ACOT7: variants seen among roughly 807,000 people sequenced by gnomAD.
The protein encoded by ACOT7 is cytosolic acyl coenzyme A thioester hydrolase.
A neutral mutation model predicts 40.2 loss-of-function variants in ACOT7; 12 were observed. The observed-to-expected ratio is 0.30, with a 90% CI of 0.19 to 0.48. The LOEUF is 0.48. ACOT7 is among the 20% of genes least tolerant of loss of function. The pLI is 0.99. For missense variants in ACOT7, 395 were observed against 530.8 expected, an observed-to-expected ratio of 0.74 and a Z score of 2.51; for synonymous variants, 228 against 219.5, an observed-to-expected ratio of 1.04 and a Z score of -0.34.
At chr1:6,349,078 A>G (rs1236572470) in intron 2 of ACOT7, among the ~76,000 whole-genome samples, 1 of 152,124 alleles carries the variant, frequency 6.6e-6, no homozygotes, top group Non-Finnish European at 1.5e-5. Context: ...GCTTCCCCCC[A>G]ACAGCCGCCC....
chr1:6,323,538 C>T (rs898163554), intron 5 of ACOT7, among the ~76,000 whole-genome samples: 2 of 151,502 alleles, frequency 1.3e-5, no homozygotes, highest in African/African-American at 2.4e-5. Flanking sequence ...GCCAACATGG[C>T]GAAACCCTGT....
chr1:6,390,823 C>T (rs1642520776), intron 1 of ACOT7, among the ~76,000 whole-genome samples: 1 of 151,636 alleles, frequency 6.6e-6, no homozygotes, highest in Non-Finnish European at 1.5e-5. Flanking sequence ...ATAATCCCAG[C>T]AACTCAGGAG....
intron 1 of ACOT7, 30 bp from the exon 2 acceptor site, chr1:6,349,896 T>G: frequency 6.2e-7 from 1 of 1,603,358 alleles, no homozygotes. Flanking sequence ...GGATGAGGCC[T>G]CTGGAGAGGA....
chr1:6,309,374 A>C (rs999202678), intron 6 of ACOT7, among the ~76,000 whole-genome samples: 1 of 152,162 alleles, frequency 6.6e-6, no homozygotes, highest in Non-Finnish European at 1.5e-5. Context: ...TGGGGAGAGG[A>C]GGGACCCAGA....
Position 6,282,623 on chromosome 1 carries a change from T to C in ACOT7, c.830-1337A>G. ...GACCCAGAGTGAGAAAGCGGCCAGG[T>C]GGTGGCTGTTGGAGGGCGGTTAGCA... On this transcript the variant is annotated intron_variant, in intron 7 of 8. Transcript: ENST00000361521. This position sits in a 1 kb window ranked among gnomAD's most constrained non-coding sequence, Gnocchi z 4.5. The C allele has an allele frequency of 2.2e-6, 2 of 915,212 alleles. No individual in the cohort carries two copies. The highest frequency in any genetic ancestry group is 3.9e-4 in the Middle Eastern group (1 of 2,538). The allele number at this position is 915,212 out of a possible 1,614,324, so 56.7% of individuals were successfully genotyped here. A position where few individuals can be genotyped will look rare whatever the true frequency, so the allele number is the denominator to read the frequency against.
rs1332523267 is a variant in ACOT7 at position 6,350,602 on chromosome 1, G to A, written c.144-736C>T. Among the ~76,000 whole-genome samples, 5 of 152,264 alleles carry A rather than the reference G, an allele frequency of 3.3e-5. No individual in the cohort carries two copies. In the East Asian group the frequency reaches 9.6e-4, roughly 29 times the overall value. Reference sequence around the variant, plus strand: ...CTTGGCAGTCCTGCCAGGGCAAGTTGCCTGGCACCTTCCCAGACAGCACCC... The same window carrying A: ...CTTGGCAGTCCTGCCAGGGCAAGTTACCTGGCACCTTCCCAGACAGCACCC... On this transcript the variant is annotated intron_variant, in intron 1 of 8. Transcript: ENST00000361521.
intron 1 of ACOT7, among the ~76,000 whole-genome samples, chr1:6,379,046 C>T (rs912238924): frequency 1.3e-5 from 2 of 151,784 alleles, no homozygotes; most frequent in Admixed American, 6.6e-5. Context: ...CAGGCGCCCG[C>T]CATCACGCCT....
At chr1:6,378,044 T>G (rs1157721560) in intron 1 of ACOT7, among the ~76,000 whole-genome samples, 2 of 151,940 alleles carry the variant, frequency 1.3e-5, no homozygotes, top group African/African-American at 4.8e-5. Flanking sequence ...CACTCCAGCC[T>G]GGGCGACAGA....
intron 1 of ACOT7, among the ~76,000 whole-genome samples, chr1:6,371,422 G>GT (rs1209409224): frequency 5.9e-5 from 9 of 151,336 alleles, no homozygotes; most frequent in African/African-American, 1.9e-4. Context: ...GCTGTGGCAG[G>GT]TGCAATCTTG....
chr1:6,266,829 T>C (rs1395907290), intron 8 of ACOT7, among the ~76,000 whole-genome samples: 2 of 152,138 alleles, frequency 1.3e-5, no homozygotes, highest in Non-Finnish European at 2.9e-5. Flanking sequence ...GCAAGAGCTG[T>C]AGGGTGGGCA....
chr1:6,380,979 T>C (rs555723882), intron 1 of ACOT7, among the ~76,000 whole-genome samples: 15 of 151,964 alleles, frequency 9.9e-5, no homozygotes, highest in Non-Finnish European at 2.2e-4. Flanking sequence ...AAATCATATA[T>C]CTGATGAGGG....
Position 6,349,740 on chromosome 1 carries a change from G to A in ACOT7, c.261+9C>T. On this transcript the variant is annotated intron_variant, in intron 2 of 8. Coordinates refer to ENST00000361521, the MANE Select transcript of ACOT7 (RefSeq NM_007274.4). The stretch of plus-strand genomic sequence containing the variant: ...CCAGGGCCCAGAGGTATGGGGCCCA[G>A]ACCCTTACCCCGTTCTGGCTGTTGC... The A allele has an allele frequency of 1.2e-6, 2 of 1,611,180 alleles. No individual in the cohort carries two copies. Among genetic ancestry groups the A allele is most frequent in the Non-Finnish European group, 1.7e-6 (2 of 1,178,836 alleles).
chr1:6,381,295 GAATA>G (rs1642329972), intron 1 of ACOT7, among the ~76,000 whole-genome samples: 1 of 150,854 alleles, frequency 6.6e-6, no homozygotes, highest in African/African-American at 2.5e-5. Flanking sequence ...TCAAGTATAT[GAATA>G]AATATACAAA....
intron 6 of ACOT7, among the ~76,000 whole-genome samples, chr1:6,300,313 G>A (rs111892017): frequency 4.9e-4 from 74 of 152,272 alleles, no homozygotes; most frequent in African/African-American, 1.7e-3. Flanking sequence ...GGATGCTGAG[G>A]GCAGCGGCTG....
intron 8 of ACOT7, 107 bp from the exon 9 acceptor site, chr1:6,264,802 A>G: frequency 8.5e-7 from 1 of 1,174,224 alleles, no homozygotes; most frequent in Non-Finnish European, 1.2e-6. Flanking sequence ...GATCTGCCCC[A>G]CCCCTGGTGC....
chr1:6,313,484 T>G lies in ACOT7; in HGVS notation c.712+5008A>C, dbSNP rs551138101. On this transcript the variant is annotated intron_variant, in intron 6 of 8. Coordinates refer to ENST00000361521, the MANE Select transcript of ACOT7 (RefSeq NM_007274.4). ...ACAAGTCTTTTCAGACGCGCAAAGC[T>G]TGGGAAGATGACCCTCTAGGCCCCA... is the stretch of plus-strand genomic sequence containing the variant. Among the ~76,000 whole-genome samples, 3 of 152,302 alleles carry G rather than the reference T, an allele frequency of 2.0e-5. No homozygotes were observed. In the South Asian group the frequency reaches 6.2e-4, roughly 32 times the overall value.
chr1:6,279,107 C>T lies in ACOT7; in HGVS notation c.1014+1995G>A, dbSNP rs116430117. On this transcript the variant is annotated intron_variant, in intron 8 of 8. Coordinates refer to ENST00000361521, the MANE Select transcript of ACOT7 (RefSeq NM_007274.4). The stretch of plus-strand genomic sequence containing the variant: ...AGCGGGCCCAGGTGGGAGTGGAGCC[C>T]ATACTTCATGGCCGAGAAAAGCAGG... Among the ~76,000 whole-genome samples the T allele has an allele frequency of 4.0e-3, 611 of 152,300 alleles. 5 individuals are homozygous for T. The highest frequency in any genetic ancestry group is 0.014 in the African/African-American group (591 of 41,556).
intron 1 of ACOT7, chr1:6,360,494 C>T: frequency 7.0e-6 from 11 of 1,571,856 alleles, no homozygotes; most frequent in Non-Finnish European, 9.6e-6. Context: ...CCCTGGCACA[C>T]AGGACAGGTC....
chr1:6,286,953 A>AT (rs932867111), intron 7 of ACOT7, among the ~76,000 whole-genome samples: 33 of 152,246 alleles, frequency 2.2e-4, no homozygotes, highest in African/African-American at 7.7e-4. Flanking sequence ...CAAGAAGCTA[A>AT]TTTTTTGTAT....
Sources: gnomAD v4.1 joint callset for allele counts (sites outside exome capture counted in the v4.1 genomes callset) on GRCh38, gnomAD v4.1.1 for gene constraint, Gnocchi (gnomAD v3.1) non-coding constraint, MANE v1.5 for transcripts, NCBI Gene and HGNC (gene_info 2026-07-23, HGNC 2026-07-21) for gene names.